NDE1: variants seen among roughly 807,000 people sequenced by gnomAD.
NDE1 encodes nudE neurodevelopment protein 1.
Under a neutral mutation model 43.4 loss-of-function variants are expected in NDE1, and 28 were observed. That is an observed-to-expected ratio of 0.65 (90% CI 0.48 to 0.89). The LOEUF (loss-of-function observed/expected upper bound fraction) is 0.89. NDE1 is among the 40% of genes least tolerant of loss of function. The pLI is 0.00. For synonymous variants in NDE1, 184 were observed against 172.0 expected, an observed-to-expected ratio of 1.07 and a Z score of -0.55; for missense variants, 441 against 434.1, an observed-to-expected ratio of 1.02 and a Z score of -0.14.
chr16:15,687,086 T>C (rs898402835), intron 4 of NDE1: 3 of 1,282,758 alleles, frequency 2.3e-6, no homozygotes, highest in East Asian at 7.8e-5. Context: ...AAATGCCACA[T>C]GCAGTCCTGA....
intron 8 of NDE1, among the ~76,000 whole-genome samples, chr16:15,706,966 TG>T (rs1332198577): frequency 4.6e-5 from 7 of 152,330 alleles, no homozygotes; most frequent in Middle Eastern, 3.4e-3. Flanking sequence ...AGACCAAGGT[TG>T]ACACCAACTA....
At chr16:15,646,658 A>T (rs1355942525), upstream of NDE1, among the ~76,000 whole-genome samples, 1 of 149,566 alleles carries the variant, frequency 6.7e-6, no homozygotes, top group Non-Finnish European at 1.5e-5. Flanking sequence ...CTTGAACTGG[A>T]AGGTGGAGGT....
chr16:15,688,689 C>CTTTTTATTTTTTTTT (rs1277177970), intron 5 of NDE1, among the ~76,000 whole-genome samples: 7 of 59,990 alleles, frequency 1.2e-4, no homozygotes, highest in Non-Finnish European at 2.1e-4. Context: ...TTGTTTTTAC[C>CTTTTTATTTTTTTTT]TTTTTTTTTT....
At chr16:15,722,789 G>A (rs2040553435) in intron 8 of NDE1, among the ~76,000 whole-genome samples, 1 of 152,170 alleles carries the variant, frequency 6.6e-6, no homozygotes, top group African/African-American at 2.4e-5. Flanking sequence ...CACTCAGGCT[G>A]GGGTGTAGTG....
intron 8 of NDE1, chr16:15,715,399 G>T: frequency 4.9e-6 from 4 of 808,912 alleles, no homozygotes; most frequent in Middle Eastern, 3.2e-4. Context: ...TCAAGAATCA[G>T]TCAGATGGTG....
chr16:15,655,181 C>A (rs2036700173), intron 1 of NDE1, among the ~76,000 whole-genome samples: 1 of 152,090 alleles, frequency 6.6e-6, no homozygotes, highest in Non-Finnish European at 1.5e-5. Flanking sequence ...CCACACCTGG[C>A]TAATTTTTGT....
intron 8 of NDE1, chr16:15,703,860 A>T (rs1432127297): frequency 7.8e-7 from 1 of 1,277,322 alleles, no homozygotes; most frequent in Non-Finnish European, 1.1e-6. Context: ...TTGGAATTTG[A>T]GAATGGATTT....
rs112170838 is a variant in NDE1 at position 15,724,158 on chromosome 16, T to C, written c.948-33T>C. The stretch of plus-strand genomic sequence containing the variant: ...AGAGTGGGGGACACCCCACGCCCTC[T>C]ACCTGATCAAATTTCCTCTGCTTCT... On this transcript the variant is annotated intron_variant, in intron 8 of 8. Transcript: ENST00000396354. The C allele has an allele frequency of 6.2e-7, 1 of 1,613,208 alleles. No individual in the cohort carries two copies. The highest frequency in any genetic ancestry group is 2.2e-5 in the East Asian group (1 of 44,886).
At chr16:15,714,636 C>G in intron 8 of NDE1, 2 of 572,316 alleles carry the variant, frequency 3.5e-6, no homozygotes, top group Non-Finnish European at 6.3e-6. Flanking sequence ...TGGGGATAGC[C>G]TCTTCCTCCT....
At chr16:15,703,687 G>C in intron 8 of NDE1, 1 of 456,422 alleles carries the variant, frequency 2.2e-6, no homozygotes. Context: ...GTCCTGGGCT[G>C]GAGCGTTCTT....
At position 15,718,063 on chromosome 16, in the gene NDE1, G is replaced by A. The variant is rs529222753; in HGVS notation, c.948-6128G>A. On this transcript the variant is annotated intron_variant, in intron 8 of 8. Transcript: ENST00000396354. ...CAAGGCCCGGACTCCAGGGATGGCC[G>A]TGAGGTACGGGGAGCCAGCCACGCC... 1.4e-3 allele frequency: 788 copies of A among 581,442 alleles called. 2 individuals carry two copies. Among genetic ancestry groups the A allele is most frequent in the Non-Finnish European group, 2.0e-3 (656 of 328,672 alleles). The allele number at this position is 581,442 out of a possible 1,614,324, so 36.0% of individuals were successfully genotyped here.
In NDE1 at chr16:15,703,579, G is replaced by T. The variant is rs568039479; in HGVS notation, c.947+6719G>T. ...ACTTCAATTTTTACCTTGAATACAG[G>T]GGTAGTAGGGGTGGTGGTGGTGGTG... On this transcript the variant is annotated intron_variant, in intron 8 of 8. Coordinates refer to ENST00000396354, the MANE Select transcript of NDE1 (RefSeq NM_017668.3). 11 of 368,260 alleles carry T rather than the reference G, an allele frequency of 3.0e-5. No individual in the cohort carries two copies. In the East Asian group the frequency reaches 4.3e-4, roughly 15 times the overall value. 22.8% of individuals were successfully genotyped at this position (368,260 alleles called of 1,614,324 possible).
intron 6 of NDE1, among the ~76,000 whole-genome samples, chr16:15,692,508 C>T (rs1388869986): frequency 6.6e-6 from 1 of 151,926 alleles, no homozygotes; most frequent in African/African-American, 2.4e-5. Context: ...CTCCCAGGTT[C>T]AAGTGATTCT....
chr16:15,702,210 G>C (rs568585079), intron 8 of NDE1: 1 of 152,216 alleles, frequency 6.6e-6, no homozygotes, highest in African/African-American at 2.4e-5. Flanking sequence ...GTTGAACAGA[G>C]CCTTTGCAGG....
At position 15,691,260 on chromosome 16, in the gene NDE1, T is replaced by G. The variant is rs1382003782; in HGVS notation, c.640T>G (p.Ser214Ala). 1.9e-6 allele frequency: 3 copies of G among 1,614,004 alleles called. No homozygotes were observed. The highest frequency in any genetic ancestry group is 2.7e-5 in the African/African-American group (2 of 74,932). ...TGTGCAGGCCACGGGCTCCGTGCCG[T>G]CCACGCCCATTGCTCACCGAGGACC... ...TAVQATGSVP[S>A]TPIAHRGPSS... The change falls in exon 6 of 9, where the codon TCC (serine) becomes GCC (alanine). Residue 214 changes from serine to alanine, a missense_variant. Coordinates refer to ENST00000396354, the MANE Select transcript of NDE1 (RefSeq NM_017668.3).
At chr16:15,686,577 C>A in intron 4 of NDE1, 1 of 979,806 alleles carries the variant, frequency 1.0e-6, no homozygotes, top group Non-Finnish European at 1.2e-6. Context: ...ACTCAGGAGG[C>A]TGAGGCGGGA....
chr16:15,689,938 C>CAAA (rs34081814), intron 5 of NDE1, among the ~76,000 whole-genome samples: 1 of 95,080 alleles, frequency 1.1e-5, no homozygotes, highest in Non-Finnish European at 2.2e-5. Flanking sequence ...AACTCCATCT[C>CAAA]AAAAAAAAAA....
Position 15,725,760 on chromosome 16 carries a change from A to G in NDE1, c.*1509A>G, listed in dbSNP as rs140080894. 9.9e-4 allele frequency: 393 copies of G among 398,794 alleles called. 2 individuals are homozygous for G. The highest frequency in any genetic ancestry group is 6.8e-3 in the African/African-American group (330 of 48,752). 24.7% of individuals were successfully genotyped at this position (398,794 alleles called of 1,614,324 possible). Reference sequence around the variant, plus strand: ...TTGTGAAAACTTTGGCCACGTCCCCATGAGTGGCAAGGCAGGGTAAATGGC... The same window carrying G: ...TTGTGAAAACTTTGGCCACGTCCCCGTGAGTGGCAAGGCAGGGTAAATGGC... On this transcript the variant is annotated 3_prime_UTR_variant, in exon 9 of 9. Coordinates refer to ENST00000396354, the MANE Select transcript of NDE1 (RefSeq NM_017668.3).
At position 15,724,242 on chromosome 16, in the gene NDE1, C is replaced by T. The variant is rs1435099547; in HGVS notation, c.999C>T (p.Ser333=). 1 of 1,614,088 alleles carries T rather than the reference C, an allele frequency of 6.2e-7. No homozygotes were observed. Among genetic ancestry groups the T allele is most frequent in the Admixed American group, 1.7e-5 (1 of 60,004 alleles). Residue 333 remains serine (S), a synonymous_variant, in exon 9 of 9, where the codon AGC becomes AGT. Coordinates refer to ENST00000396354, the MANE Select transcript of NDE1 (RefSeq NM_017668.3). The part of the protein sequence containing the change: ...WLSKSTTRSS[S]SC The stretch of plus-strand genomic sequence containing the variant: ...CCAAATCAACAACCAGGTCGTCCAG[C>T]TCCTGCTGAAGCCTGTTCTTGGTCT...
Sources: allele counts gnomAD v4.1 joint callset (sites outside exome capture counted in the v4.1 genomes callset), GRCh38; gene constraint gnomAD v4.1.1; transcripts MANE v1.5; gene names NCBI Gene and HGNC (gene_info 2026-07-23, HGNC 2026-07-21).